Variants in FAM227B observed in about 807,000 individuals in gnomAD.
FAM227B encodes family with sequence similarity 227 member B.
Under a neutral mutation model 73.8 loss-of-function variants are expected in FAM227B, and 88 were observed. That is an observed-to-expected ratio of 1.19 (90% CI 1.00 to 1.42). The LOEUF (loss-of-function observed/expected upper bound fraction) is 1.42, where lower values mean the gene tolerates loss of function less well. Among genes scored for constraint, FAM227B ranks in the 40% most tolerant of loss-of-function variants. The pLI, the probability that FAM227B is intolerant of heterozygous loss-of-function variation, is 0.00. For missense variants in FAM227B, 632 were observed against 590.9 expected (o/e 1.07, Z -0.72); for synonymous variants, 210 against 190.5 (o/e 1.10, Z -0.84).
chr15:49,494,536 G>A lies in FAM227B; in HGVS notation c.1012+13675C>T, dbSNP rs1214760018. ...GATTTACTCTAATGAAAACTTAGCT[G>A]TCCTCTTAGGATACTGCTTCCCCTG... On this transcript the variant is annotated intron_variant, in intron 11 of 15. Transcript: ENST00000299338. Among the ~76,000 whole-genome samples the A allele has an allele frequency of 2.0e-5, 3 of 152,100 alleles. No homozygotes were observed. The East Asian group carries it at 5.8e-4, about 29-fold the overall frequency.
At chr15:49,577,788 G>A (rs2075554966) in intron 5 of FAM227B, 124 bp from the exon 6 acceptor site, 5 of 511,438 alleles carry the variant, frequency 9.8e-6, no homozygotes, top group African/African-American at 3.9e-5. Flanking sequence ...ATCCTACAGA[G>A]GCCTAAAATA....
intron 11 of FAM227B, among the ~76,000 whole-genome samples, chr15:49,422,145 A>AGAGAGAGAGAGAGAGAGG (rs757128514): frequency 7.2e-6 from 1 of 139,822 alleles, no homozygotes; most frequent in East Asian, 2.2e-4. Flanking sequence ...AGAGAGAGAG[A>AGAGAGAGAGAGAGAGAGG]GTGTGTGTGT....
intron 13 of FAM227B, among the ~76,000 whole-genome samples, chr15:49,345,694 A>G (rs1206204526): frequency 6.6e-6 from 1 of 152,196 alleles, no homozygotes; most frequent in South Asian, 2.1e-4. Context: ...GGACAAATAA[A>G]ATAGTCCTTT....
At position 49,528,520 on chromosome 15, in the gene FAM227B, T is replaced by C. The variant is rs10467921; in HGVS notation, c.874+13160A>G. On this transcript the variant is annotated intron_variant, in intron 10 of 15. Coordinates refer to ENST00000299338, the MANE Select transcript of FAM227B (RefSeq NM_152647.3). ...CCAGTGAGACGTAACCTAAAAACCG[T>C]CTGCACAGCAAAAGAAATAATAAAC... is the stretch of plus-strand genomic sequence containing the variant. Among the ~76,000 whole-genome samples the C allele has an allele frequency of 2.5e-3, 380 of 151,874 alleles. 2 individuals carry two copies. The highest frequency in any genetic ancestry group is 8.8e-3 in the African/African-American group (366 of 41,504).
intron 3 of FAM227B, among the ~76,000 whole-genome samples, chr15:49,594,635 T>C (rs1036503354): frequency 6.6e-6 from 1 of 152,204 alleles, no homozygotes; most frequent in Non-Finnish European, 1.5e-5. Flanking sequence ...TTCATCCTTT[T>C]AACATGTGGC....
intron 3 of FAM227B, among the ~76,000 whole-genome samples, chr15:49,600,765 G>A (rs776838351): frequency 9.9e-5 from 15 of 151,876 alleles, no homozygotes; most frequent in African/African-American, 2.4e-4. Context: ...CTGCCAGGCC[G>A]GGCGTGGTGG....
intron 11 of FAM227B, among the ~76,000 whole-genome samples, chr15:49,432,622 C>G (rs1035689116): frequency 1.3e-5 from 2 of 151,508 alleles, no homozygotes; most frequent in Admixed American, 6.6e-5. Flanking sequence ...AACGAAGTTG[C>G]CACTAAATTG....
At chr15:49,420,164 A>G (rs377721118) in intron 11 of FAM227B, among the ~76,000 whole-genome samples, 1 of 152,148 alleles carries the variant, frequency 6.6e-6, no homozygotes, top group Admixed American at 6.5e-5. Context: ...CAGGCAGTCT[A>G]CTTCTGGAAA....
At chr15:49,535,508 T>G (rs1450451914) in intron 10 of FAM227B, among the ~76,000 whole-genome samples, 1 of 151,784 alleles carries the variant, frequency 6.6e-6, no homozygotes, top group Non-Finnish European at 1.5e-5. Flanking sequence ...GAAGAATTAA[T>G]ATCAACACTC....
chr15:49,529,635 C>T (rs8029561), intron 10 of FAM227B, among the ~76,000 whole-genome samples: 47,949 of 151,326 alleles, frequency 0.32, 8,172 homozygotes, highest in African/African-American at 0.42. Flanking sequence ...AATGGTAACA[C>T]CTTGTAAAAC....
chr15:49,500,833 G>A (rs11070697), intron 11 of FAM227B, among the ~76,000 whole-genome samples: 56,771 of 151,988 alleles, frequency 0.37, 12,322 homozygotes, highest in East Asian at 0.54. Context: ...CATTCCCTTG[G>A]TGGTAAGTGA....
In FAM227B at chr15:49,415,454, A is replaced by G. The variant is rs867386977; in HGVS notation, c.1013-44055T>C. On this transcript the variant is annotated intron_variant, in intron 11 of 15. Coordinates refer to ENST00000299338, the MANE Select transcript of FAM227B (RefSeq NM_152647.3). ...GTTTCCTAAAGTTAAGCAGTAACTT[A>G]AGGGGAATCAAGACAATCTAGAATG... Among the ~76,000 whole-genome samples the G allele has an allele frequency of 8.5e-5, 13 of 152,288 alleles. No individual in the cohort carries two copies. The South Asian group carries it at 1.9e-3, about 22-fold the overall frequency.
At chr15:49,380,283 T>A (rs985709014) in intron 11 of FAM227B, among the ~76,000 whole-genome samples, 3 of 152,056 alleles carry the variant, frequency 2.0e-5, no homozygotes, top group African/African-American at 7.2e-5. Flanking sequence ...GGCGGCGTGC[T>A]CCCCTCTGTC....
intron 9 of FAM227B, among the ~76,000 whole-genome samples, chr15:49,559,942 G>GA (rs57124305): frequency 0.33 from 48,823 of 146,490 alleles, 8,641 homozygotes; most frequent in African/African-American, 0.46. Flanking sequence ...AGACTGTCTC[G>GA]AAAAAAAAAA....
At chr15:49,397,886 CA>C (rs2047813012) in intron 11 of FAM227B, among the ~76,000 whole-genome samples, 1 of 152,112 alleles carries the variant, frequency 6.6e-6, no homozygotes, top group African/African-American at 2.4e-5. Context: ...CCAGCAGCTG[CA>C]AAACCATGCC....
At chr15:49,554,960 G>A (rs2073484163) in intron 9 of FAM227B, among the ~76,000 whole-genome samples, 2 of 152,124 alleles carry the variant, frequency 1.3e-5, no homozygotes, top group East Asian at 1.9e-4. Context: ...CCTTTACTTT[G>A]AGCCTGGGGG....
intron 15 of FAM227B, chr15:49,331,546 C>T: frequency 2.2e-6 from 1 of 458,808 alleles, no homozygotes; most frequent in Non-Finnish European, 3.9e-6. Flanking sequence ...TTTTCAGTTA[C>T]ATAAACTGTT....
chr15:49,510,546 G>C (rs926736885), intron 10 of FAM227B, among the ~76,000 whole-genome samples: 5 of 152,032 alleles, frequency 3.3e-5, no homozygotes, highest in Admixed American at 1.3e-4. Context: ...TATTCTTGGA[G>C]ACATCTCTCC....
intron 11 of FAM227B, among the ~76,000 whole-genome samples, chr15:49,491,262 C>G (rs1273352334): frequency 6.6e-6 from 1 of 151,876 alleles, no homozygotes; most frequent in African/African-American, 2.4e-5. Context: ...TCCTTCCCAT[C>G]TCATATACTG....
Sources: gnomAD v4.1 joint callset for allele counts (sites outside exome capture counted in the v4.1 genomes callset) on GRCh38, gnomAD v4.1.1 for gene constraint, MANE v1.5 for transcripts, NCBI Gene and HGNC (gene_info 2026-07-23, HGNC 2026-07-21) for gene names.